Variants in EML5 observed in about 807,000 individuals in gnomAD.
The protein encoded by EML5 is echinoderm microtubule-associated protein-like 5.
A neutral mutation model predicts 250.0 loss-of-function variants in EML5; 120 were observed. The observed-to-expected ratio is 0.48, with a 90% CI of 0.41 to 0.56. The LOEUF (loss-of-function observed/expected upper bound fraction) is 0.56, where lower values mean the gene tolerates loss of function less well. Among genes scored for constraint, EML5 ranks in the 20% least tolerant of loss-of-function variants. The pLI is 0.00. For synonymous variants in EML5, 771 were observed against 806.5 expected, an observed-to-expected ratio of 0.96 and a Z score of 0.75; for missense variants, 2,006 against 2,437.6, an observed-to-expected ratio of 0.82 and a Z score of 3.73.
At chr14:88,766,612 C>T (rs898993326) in intron 1 of EML5, among the ~76,000 whole-genome samples, 5 of 152,130 alleles carry the variant, frequency 3.3e-5, no homozygotes, top group African/African-American at 7.2e-5. Flanking sequence ...ATTTTAATTT[C>T]GCCCCAGTCC....
At chr14:88,769,768 A>G (rs766415570) in intron 1 of EML5, among the ~76,000 whole-genome samples, 7 of 152,210 alleles carry the variant, frequency 4.6e-5, no homozygotes, top group African/African-American at 7.2e-5. Flanking sequence ...ATGAATTCGT[A>G]TCAACACTTC....
At chr14:88,644,173 C>A (rs149653094) in intron 30 of EML5, among the ~76,000 whole-genome samples, 2 of 152,126 alleles carry the variant, frequency 1.3e-5, no homozygotes, top group African/African-American at 4.8e-5. Context: ...ATCATTCACA[C>A]ATACTTAGGT....
chr14:88,755,663 G>C (rs928194498), intron 1 of EML5, among the ~76,000 whole-genome samples: 1 of 152,052 alleles, frequency 6.6e-6, no homozygotes, highest in Non-Finnish European at 1.5e-5. Context: ...CATCACGGTG[G>C]AGAATCACTA....
chr14:88,683,820 G>C (rs1412340382), intron 20 of EML5, among the ~76,000 whole-genome samples: 1 of 152,154 alleles, frequency 6.6e-6, no homozygotes, highest in Non-Finnish European at 1.5e-5. Flanking sequence ...ACTTAGTAAG[G>C]AGCATCTACG....
intron 1 of EML5, among the ~76,000 whole-genome samples, chr14:88,781,567 C>T (rs2094497975): frequency 6.6e-6 from 1 of 152,172 alleles, no homozygotes; most frequent in Non-Finnish European, 1.5e-5. Context: ...TGTGTCCCCA[C>T]CCAAATCTCA....
intron 9 of EML5, among the ~76,000 whole-genome samples, chr14:88,713,468 T>C (rs12887278): frequency 0.64 from 97,316 of 151,826 alleles, 33,245 homozygotes; most frequent in East Asian, 0.94. Context: ...CACTCACTTG[T>C]TAATTTATTT....
chr14:88,618,647 T>C lies in EML5; in HGVS notation c.5538+3A>G. ...ACCTGGGTATACAGTATTGGTACTG[T>C]ACCTGGAGATAACTGCTATCTGCAG... On this transcript the variant is annotated splice_donor_region_variant and intron_variant, in intron 40 of 43. Coordinates refer to ENST00000554922, the MANE Select transcript of EML5 (RefSeq NM_183387.3). 1 of 1,612,146 alleles carries C rather than the reference T, an allele frequency of 6.2e-7. No homozygotes were observed. Among genetic ancestry groups the C allele is most frequent in the East Asian group, 2.2e-5 (1 of 44,850 alleles).
At chr14:88,729,841 A>G (rs542352621) in intron 7 of EML5, among the ~76,000 whole-genome samples, 7 of 150,688 alleles carry the variant, frequency 4.6e-5, no homozygotes, top group Non-Finnish European at 1.0e-4. Flanking sequence ...GATTACAGGC[A>G]TAAGCCACCA....
chr14:88,712,692 C>T (rs1269954098), intron 9 of EML5, among the ~76,000 whole-genome samples: 1 of 152,160 alleles, frequency 6.6e-6, no homozygotes, highest in Non-Finnish European at 1.5e-5. Flanking sequence ...AGAAATTATA[C>T]TGATTCAGAG....
chr14:88,621,297 T>G lies in EML5; in HGVS notation c.5018A>C (p.Lys1673Thr). ...AGCATTCCTTGTCCCAACAAGGATCTTGCCCTGAAACACAAGCAGGACCAA... is the reference window on the plus strand; with the variant it reads ...AGCATTCCTTGTCCCAACAAGGATCGTGCCCTGAAACACAAGCAGGACCAA... The part of the protein sequence containing the change: ...CVRSVCRGKG[K>T]ILVGTRNAEI... The change falls in exon 38 of 44, where the codon AAG becomes ACG. Residue 1673 changes from lysine (K) to threonine (T), a missense_variant. Lys to Thr is a moderately conservative substitution (Grantham distance 78). Around this residue, in one of 7 missense-constraint regions of EML5, gnomAD observed 405 missense variants for 523.3 expected, o/e 0.77. Coordinates refer to ENST00000554922, the MANE Select transcript of EML5 (RefSeq NM_183387.3). 1 of 1,613,930 alleles carries G rather than the reference T, an allele frequency of 6.2e-7. No individual in the cohort carries two copies. Among genetic ancestry groups the G allele is most frequent in the East Asian group, 2.2e-5 (1 of 44,870 alleles).
In EML5 at chr14:88,615,352, A is replaced by T. The variant is rs2087430217; in HGVS notation, c.*466T>A. 6.5e-6 allele frequency: 1 copy of T among 152,886 alleles called. No homozygotes were observed. The highest frequency in any genetic ancestry group is 1.5e-5 in the Non-Finnish European group (1 of 68,528). 9.5% of individuals were successfully genotyped at this position (152,886 alleles called of 1,614,324 possible). On this transcript the variant is annotated 3_prime_UTR_variant, in exon 44 of 44. Coordinates refer to ENST00000554922, the MANE Select transcript of EML5 (RefSeq NM_183387.3). ...AAAACTGTGATCCTTTAGGATGATC[A>T]TGACTTTCCCTTTCCTTATGGAAAT...
intron 1 of EML5, among the ~76,000 whole-genome samples, chr14:88,767,855 A>G (rs980028567): frequency 4.2e-5 from 6 of 142,666 alleles, no homozygotes; most frequent in Non-Finnish European, 6.0e-5. Context: ...TTAGTACAAT[A>G]TCATTACCTA....
chr14:88,680,619 A>C (rs891427134), intron 21 of EML5, among the ~76,000 whole-genome samples: 13 of 152,334 alleles, frequency 8.5e-5, no homozygotes, highest in African/African-American at 3.1e-4. Context: ...TTATAGTACT[A>C]GCTTTCAAAT....
In EML5 at chr14:88,620,607, A is replaced by G. The variant is rs1286075457; in HGVS notation, c.5375+147T>C. ...AGCAAGAAGAATTAAGTAGTATACAAACAGCCATATTTTAGCATACAATTT... is the reference window on the plus strand; with the variant it reads ...AGCAAGAAGAATTAAGTAGTATACAGACAGCCATATTTTAGCATACAATTT... On this transcript the variant is annotated intron_variant, in intron 39 of 43. Transcript: ENST00000554922. The surrounding 1 kb of genome is among the most constrained non-coding windows in gnomAD (Gnocchi z 4.3). The G allele has an allele frequency of 1.6e-6, 1 of 642,464 alleles. No homozygotes were observed. The highest frequency in any genetic ancestry group is 2.4e-6 in the Non-Finnish European group (1 of 415,388). The allele number at this position is 642,464 out of a possible 1,614,324, so 39.8% of individuals were successfully genotyped here.
intron 27 of EML5, among the ~76,000 whole-genome samples, chr14:88,650,910 G>A (rs549581855): frequency 1.3e-5 from 2 of 152,292 alleles, no homozygotes; most frequent in Admixed American, 6.5e-5. Flanking sequence ...CCAAAGCACT[G>A]AGATTGCAGG....
At chr14:88,761,033 G>A (rs1431297129) in intron 1 of EML5, among the ~76,000 whole-genome samples, 1 of 152,058 alleles carries the variant, frequency 6.6e-6, no homozygotes, top group Admixed American at 6.6e-5. Flanking sequence ...TGAGTTTTAG[G>A]AGTAGTGTTT....
intron 1 of EML5, among the ~76,000 whole-genome samples, chr14:88,774,366 C>A (rs989087238): frequency 3.3e-5 from 5 of 152,150 alleles, no homozygotes; most frequent in African/African-American, 1.2e-4. Context: ...TGGAACAAAT[C>A]TGTTTTTAAG....
intron 10 of EML5, among the ~76,000 whole-genome samples, chr14:88,708,279 CTT>C (rs1454471150): frequency 6.6e-6 from 1 of 152,018 alleles, no homozygotes; most frequent in African/African-American, 2.4e-5. Context: ...CATGAAATGA[CTT>C]TGACTCACCA....
At position 88,627,706 on chromosome 14, in the gene EML5, G is replaced by T. The variant is rs2090110429; in HGVS notation, c.4471C>A (p.Leu1491Ile). 1 of 1,613,560 alleles carries T rather than the reference G, an allele frequency of 6.2e-7. No individual in the cohort carries two copies. Among genetic ancestry groups the T allele is most frequent in the Non-Finnish European group, 8.5e-7 (1 of 1,179,730 alleles). ...GGGTCTAGTCCCACAGACAGCAATA[G>T]TTTGCCAGTAGCACTGAAGCTGACT... ...CSVSFSATGK[L>I]LLSVGLDPEH... The change falls in exon 34 of 44, where the codon CTA (leucine) becomes ATA (isoleucine). Residue 1491 changes from leucine (L) to isoleucine (I), a missense_variant. By Grantham distance (5) the Leu-to-Ile change is conservative. This residue lies in a region of EML5 where 3 missense variants were observed against 20.1 expected (regional missense o/e 0.15). Coordinates refer to ENST00000554922, the MANE Select transcript of EML5 (RefSeq NM_183387.3).
Sources: gnomAD v4.1 joint callset for allele counts (sites outside exome capture counted in the v4.1 genomes callset) on GRCh38, gnomAD v4.1.1 for gene constraint, gnomAD v4.1.1 regional missense constraint, Gnocchi (gnomAD v3.1) non-coding constraint, MANE v1.5 for transcripts, NCBI Gene and HGNC (gene_info 2026-07-23, HGNC 2026-07-21) for gene names.